PCLO: variants seen among roughly 807,000 people sequenced by gnomAD.
The protein encoded by PCLO is piccolo presynaptic cytomatrix protein.
In PCLO, 82 loss-of-function variants were observed where a neutral mutation model predicts 427.5. The ratio of observed to expected loss-of-function variants is 0.19; its 90% CI spans 0.16 to 0.23. The LOEUF is 0.23. Ranked by LOEUF, PCLO falls within the 10% of genes least tolerant of loss-of-function variation. The pLI, the probability that PCLO is intolerant of heterozygous loss-of-function variation, is 1.00. For missense variants in PCLO, 6,239 were observed against 6,115.9 expected (o/e 1.02, Z -0.67); for synonymous variants, 2,357 against 2,155.4 (o/e 1.09, Z -2.59).
In PCLO at chr7:82,824,230, T is replaced by C; in HGVS notation, c.14596+6A>G. On this transcript the variant is annotated splice_donor_region_variant and intron_variant, in intron 19 of 24. Transcript: ENST00000333891. ...AACTTTTTCTACTTAAAAAAATATT[T>C]CCTACCCTTTGATGGGTCAGGGAAG... 6.3e-7 allele frequency: 1 copy of C among 1,588,482 alleles called. No homozygotes were observed. Among genetic ancestry groups the C allele is most frequent in the Non-Finnish European group, 8.6e-7 (1 of 1,167,940 alleles).
chr7:82,991,391 A>G (rs1796373168), intron 3 of PCLO, among the ~76,000 whole-genome samples: 1 of 152,108 alleles, frequency 6.6e-6, no homozygotes, highest in Non-Finnish European at 1.5e-5. Context: ...AAAGTCATGA[A>G]ACATTGATGT....
intron 3 of PCLO, among the ~76,000 whole-genome samples, chr7:83,022,762 T>C (rs1331940894): frequency 6.6e-6 from 1 of 152,216 alleles, no homozygotes; most frequent in Non-Finnish European, 1.5e-5. Flanking sequence ...GAAAAGGTTA[T>C]AGCACATTTC....
intron 9 of PCLO, among the ~76,000 whole-genome samples, chr7:82,882,721 T>G (rs1793537709): frequency 6.6e-6 from 1 of 152,074 alleles, no homozygotes. Context: ...TCTACTAACC[T>G]GAGAATTACA....
At chr7:83,019,423 C>A in intron 3 of PCLO, among the ~76,000 whole-genome samples, 1 of 150,412 alleles carries the variant, frequency 6.6e-6, no homozygotes. Context: ...CTGTGGTCTC[C>A]CAATCATAAG....
chr7:82,913,221 A>G (rs1341818322), intron 7 of PCLO, among the ~76,000 whole-genome samples: 1 of 152,014 alleles, frequency 6.6e-6, no homozygotes, highest in Non-Finnish European at 1.5e-5. Context: ...AAAATGACTA[A>G]TCTATTGGAA....
intron 3 of PCLO, among the ~76,000 whole-genome samples, chr7:83,090,858 C>G (rs1271743813): frequency 6.6e-6 from 1 of 152,008 alleles, no homozygotes; most frequent in Non-Finnish European, 1.5e-5. Flanking sequence ...ATATTGTACC[C>G]TCCTATCATT....
rs1365070041 is a variant in PCLO, at chr7:83,038,027, ATATTTATATATT to A, written c.3301-71552_3301-71541del. Among the ~76,000 whole-genome samples the A allele has an allele frequency of 5.4e-4, 24 of 44,166 alleles. 4 individuals are homozygous for A. The highest frequency in any genetic ancestry group is 2.7e-3 in the South Asian group (5 of 1,836). The allele number at this position is 44,166 out of a possible 152,430, so 29.0% of individuals were successfully genotyped here. ...TATATATATATATATATATATATAT[ATATTTATATATT>A]TATATATATATCTTTATATATATAT... On this transcript the variant is annotated intron_variant, in intron 3 of 24. Transcript: ENST00000333891.
chr7:82,949,516 T>C lies in PCLO; in HGVS notation c.11072A>G (p.Glu3691Gly). Reference sequence around the variant, plus strand: ...ATACTGAAAAGGAGCCCTGGAACTTTCGTCTGCTGTTGGACTCAGAGGCTT... The same window carrying C: ...ATACTGAAAAGGAGCCCTGGAACTTCCGTCTGCTGTTGGACTCAGAGGCTT... ...DPKPLSPTAD[E>G]SSRAPFQYTE... is the part of the protein sequence containing the mutation. The change falls in exon 6 of 25, where the codon GAA (glutamate) becomes GGA (glycine). Residue 3691 changes from glutamate (E) to glycine (G), a missense_variant. Glu to Gly is a moderately conservative substitution (Grantham distance 98, BLOSUM62 -2). Around this residue, in one of 5 missense-constraint regions of PCLO, gnomAD observed 4,677 missense variants for 4,468.4 expected, o/e 1.05. Transcript: ENST00000333891. 1 of 1,611,480 alleles carries C rather than the reference T, an allele frequency of 6.2e-7. No individual in the cohort carries two copies. Among genetic ancestry groups the C allele is most frequent in the Non-Finnish European group, 8.5e-7 (1 of 1,178,832 alleles).
rs185242251 is a variant in PCLO at position 82,892,457 on chromosome 7, C to T, written c.13528+10194G>A. On this transcript the variant is annotated intron_variant, in intron 9 of 24. Transcript: ENST00000333891. ...TGGATTAAAGACGTGCATGTTAGACCTAAAACCATAATAATCCCAGCAGAA... is the reference window on the plus strand; with the variant it reads ...TGGATTAAAGACGTGCATGTTAGACTTAAAACCATAATAATCCCAGCAGAA... 3.3e-5 allele frequency among the ~76,000 whole-genome samples: 5 copies of T among 152,208 alleles called. No homozygotes were observed. In the East Asian group the frequency reaches 7.7e-4, roughly 24 times the overall value.
chr7:83,154,152 T>C (rs1232810469), intron 2 of PCLO, among the ~76,000 whole-genome samples: 2 of 152,200 alleles, frequency 1.3e-5, no homozygotes, highest in African/African-American at 4.8e-5. Context: ...ATATAAACTG[T>C]CATCTGAGAA....
At chr7:83,124,368 A>G (rs1397393472) in intron 3 of PCLO, among the ~76,000 whole-genome samples, 1 of 152,046 alleles carries the variant, frequency 6.6e-6, no homozygotes, top group Admixed American at 6.5e-5. Context: ...AAAAAAAAAA[A>G]AAAGAGAAAG....
intron 3 of PCLO, among the ~76,000 whole-genome samples, chr7:83,115,316 G>GA (rs900060109): frequency 1.6e-4 from 25 of 151,744 alleles, no homozygotes; most frequent in African/African-American, 4.1e-4. Context: ...GCAATATGTT[G>GA]AAAAAAATCA....
At chr7:82,914,163 T>C (rs1293561256) in intron 7 of PCLO, among the ~76,000 whole-genome samples, 2 of 152,006 alleles carry the variant, frequency 1.3e-5, no homozygotes, top group African/African-American at 2.4e-5. Flanking sequence ...CAAGAACTTA[T>C]CCAAAAGTTC....
chr7:82,981,723 G>C (rs974062586), intron 3 of PCLO, among the ~76,000 whole-genome samples: 7 of 152,030 alleles, frequency 4.6e-5, no homozygotes, highest in African/African-American at 1.7e-4. Flanking sequence ...AAGGAGTTAT[G>C]ATGGATATTA....
At position 83,134,442 on chromosome 7, in the gene PCLO, T is replaced by A. The variant is rs201591942; in HGVS notation, c.3108A>T (p.Leu1036Phe). Residue 1036 changes from leucine to phenylalanine, a missense_variant, in exon 3 of 25, where the codon TTA (leucine) becomes TTT (phenylalanine). Physicochemically the swap from Leu to Phe is conservative, Grantham distance 22 (BLOSUM62 0). Transcript: ENST00000333891. ...GGACAGCCTTTTGAGGCTCAGCTGTTAAAGATTTGCTATCCTTAATAGGTG... is the reference window on the plus strand; with the variant it reads ...GGACAGCCTTTTGAGGCTCAGCTGTAAAAGATTTGCTATCCTTAATAGGTG... ...KPPPIKDSKS[L>F]TAEPQKAVLP... 82 of 1,613,896 alleles carry A rather than the reference T, an allele frequency of 5.1e-5. No homozygotes were observed. The African/African-American group carries it at 9.3e-4, about 18-fold the overall frequency.
At chr7:82,924,125 T>C (rs981371864) in intron 6 of PCLO, among the ~76,000 whole-genome samples, 3 of 152,090 alleles carry the variant, frequency 2.0e-5, no homozygotes, top group Non-Finnish European at 4.4e-5. Flanking sequence ...TTGTTTATCA[T>C]AGTGCCTTAC....
In PCLO at chr7:82,826,673, A is replaced by C; in HGVS notation, c.14344-13T>G. ...TTTTCTTCTTGAGCTATATAGTTCA[A>C]ATAGAAATCTAATTAAACCTATCTT... On this transcript the variant is annotated splice_polypyrimidine_tract_variant and intron_variant, in intron 17 of 24. Coordinates refer to ENST00000333891, the MANE Select transcript of PCLO (RefSeq NM_033026.6). 6.6e-7 allele frequency: 1 copy of C among 1,516,406 alleles called. No homozygotes were observed. The highest frequency in any genetic ancestry group is 1.2e-5 in the South Asian group (1 of 83,250). 93.9% of individuals were successfully genotyped at this position (1,516,406 alleles called of 1,614,324 possible). A position where few individuals can be genotyped will look rare whatever the true frequency, so the allele number is the denominator to read the frequency against.
chr7:82,859,034 G>T (rs1214902101), intron 10 of PCLO, among the ~76,000 whole-genome samples: 4 of 152,162 alleles, frequency 2.6e-5, no homozygotes, highest in African/African-American at 9.7e-5. Context: ...AAAAGGCAGG[G>T]AAGAGTGGGA....
intron 10 of PCLO, among the ~76,000 whole-genome samples, chr7:82,858,544 TGGAAAA>T (rs1792866749): frequency 6.6e-6 from 1 of 152,104 alleles, no homozygotes; most frequent in Non-Finnish European, 1.5e-5. Context: ...ATGTTATATA[TGGAAAA>T]CAGTCAAGAC....
Sources: gnomAD v4.1 joint callset for allele counts (sites outside exome capture counted in the v4.1 genomes callset) on GRCh38, gnomAD v4.1.1 for gene constraint, gnomAD v4.1.1 regional missense constraint, MANE v1.5 for transcripts, NCBI Gene and HGNC (gene_info 2026-07-23, HGNC 2026-07-21) for gene names.